Variants in CACNA2D3 observed in about 807,000 individuals in gnomAD.
CACNA2D3 encodes calcium voltage-gated channel auxiliary subunit alpha2delta 3, also known as voltage-dependent calcium channel subunit alpha-2/delta-3.
Under a neutral mutation model 160.6 loss-of-function variants are expected in CACNA2D3, and 60 were observed. The observed-to-expected ratio is 0.37, with a 90% CI of 0.30 to 0.46. CACNA2D3 has a LOEUF of 0.46. CACNA2D3 is among the 20% of genes least tolerant of loss of function. The pLI, the probability that CACNA2D3 is intolerant of heterozygous loss-of-function variation, is 1.00. For synonymous variants in CACNA2D3, 558 were observed against 492.9 expected (o/e 1.13, Z -1.75); for missense variants, 1,205 against 1,365.0 (o/e 0.88, Z 1.85).
chr3:54,376,641 C>T (rs969433233), intron 3 of CACNA2D3, among the ~76,000 whole-genome samples: 3 of 152,130 alleles, frequency 2.0e-5, no homozygotes, highest in African/African-American at 7.2e-5. Flanking sequence ...GTGAGAGTGC[C>T]GTTATCTTCA....
At position 54,889,061 on chromosome 3, in the gene CACNA2D3, T is replaced by C. The variant is rs530860301; in HGVS notation, c.2150+1009T>C. Among the ~76,000 whole-genome samples the C allele has an allele frequency of 2.6e-3, 399 of 152,304 alleles. 3 individuals carry two copies. Among genetic ancestry groups the C allele is most frequent in the African/African-American group, 9.1e-3 (380 of 41,568 alleles). On this transcript the variant is annotated intron_variant, in intron 24 of 37. Coordinates refer to ENST00000474759, the MANE Select transcript of CACNA2D3 (RefSeq NM_018398.3). ...TTTGGGCAGCATTCCAGGAACAGCA[T>C]GTACAAAGGCCTTGAGATGAGAAAG...
At chr3:54,747,509 A>G (rs1267541848) in intron 11 of CACNA2D3, among the ~76,000 whole-genome samples, 2 of 152,170 alleles carry the variant, frequency 1.3e-5, no homozygotes, top group Non-Finnish European at 2.9e-5. Flanking sequence ...CCTATGCTCT[A>G]TCCTGCAGCC....
At chr3:54,717,893 G>A (rs1701093693) in intron 11 of CACNA2D3, among the ~76,000 whole-genome samples, 1 of 151,622 alleles carries the variant, frequency 6.6e-6, no homozygotes, top group African/African-American at 2.4e-5. Flanking sequence ...GTGTGCGTGT[G>A]TGTGTTCTGC....
rs192808070 is a variant in CACNA2D3 at position 54,728,475 on chromosome 3, G to A, written c.1168-24124G>A. On this transcript the variant is annotated intron_variant, in intron 11 of 37. Coordinates refer to ENST00000474759, the MANE Select transcript of CACNA2D3 (RefSeq NM_018398.3). The stretch of plus-strand genomic sequence containing the variant: ...TGTTTCCTTCAATATTTTGATCATG[G>A]TTATTTTAGAGTCTGTGCCTGTCTG... Among the ~76,000 whole-genome samples, 109 of 151,954 alleles carry A rather than the reference G, an allele frequency of 7.2e-4. No individual in the cohort carries two copies. The South Asian group carries it at 0.016, about 22-fold the overall frequency.
At chr3:54,785,846 A>G (rs1292409285) in intron 13 of CACNA2D3, among the ~76,000 whole-genome samples, 2 of 152,004 alleles carry the variant, frequency 1.3e-5, no homozygotes, top group African/African-American at 2.4e-5. Context: ...CTCAGTATAC[A>G]TCTCATATAT....
chr3:54,242,887 C>T (rs2107410318), intron 2 of CACNA2D3, among the ~76,000 whole-genome samples: 1 of 152,250 alleles, frequency 6.6e-6, no homozygotes, highest in East Asian at 1.9e-4. Flanking sequence ...GAGGTGGTTG[C>T]TTTTGTTTTG....
chr3:54,755,458 T>A (rs1701952009), intron 12 of CACNA2D3, among the ~76,000 whole-genome samples: 1 of 152,210 alleles, frequency 6.6e-6, no homozygotes, highest in Non-Finnish European at 1.5e-5. Flanking sequence ...AGGCTCAATT[T>A]CCTCATCTAC....
At chr3:54,892,128 T>A (rs915500681) in intron 25 of CACNA2D3, among the ~76,000 whole-genome samples, 4 of 152,206 alleles carry the variant, frequency 2.6e-5, no homozygotes, top group African/African-American at 9.6e-5. Flanking sequence ...GACTGTGAAG[T>A]CTTTTCTGAG....
intron 3 of CACNA2D3, among the ~76,000 whole-genome samples, chr3:54,324,945 A>G (rs1704091151): frequency 6.6e-6 from 1 of 152,070 alleles, no homozygotes. Flanking sequence ...TGGAAGGCAA[A>G]TTTGACACCA....
At chr3:54,173,873 G>T (rs760540684) in intron 2 of CACNA2D3, among the ~76,000 whole-genome samples, 1 of 152,150 alleles carries the variant, frequency 6.6e-6, no homozygotes, top group African/African-American at 2.4e-5. Flanking sequence ...GAGTGTCAGC[G>T]TGGTTTGTAA....
intron 4 of CACNA2D3, among the ~76,000 whole-genome samples, chr3:54,419,190 C>T (rs1486595362): frequency 6.6e-6 from 1 of 152,248 alleles, no homozygotes; most frequent in Non-Finnish European, 1.5e-5. Context: ...CATGTCAAGC[C>T]TCTTTGGACC....
intron 29 of CACNA2D3, among the ~76,000 whole-genome samples, chr3:54,980,565 C>T (rs995371052): frequency 6.6e-6 from 1 of 152,150 alleles, no homozygotes; most frequent in East Asian, 1.9e-4. Context: ...ATACATGTTA[C>T]AGTGTTAACT....
At chr3:54,729,738 G>T (rs535735342) in intron 11 of CACNA2D3, among the ~76,000 whole-genome samples, 1 of 152,088 alleles carries the variant, frequency 6.6e-6, no homozygotes, top group Non-Finnish European at 1.5e-5. Context: ...GGTGGCTCAC[G>T]CCTATAATCC....
At chr3:54,441,780 A>C (rs1559482038) in intron 4 of CACNA2D3, among the ~76,000 whole-genome samples, 1 of 152,220 alleles carries the variant, frequency 6.6e-6, no homozygotes, top group Non-Finnish European at 1.5e-5. Flanking sequence ...GGTATCATTC[A>C]TTGAAAAGAT....
At chr3:54,459,743 G>C (rs1466948601) in intron 4 of CACNA2D3, among the ~76,000 whole-genome samples, 2 of 152,124 alleles carry the variant, frequency 1.3e-5, no homozygotes, top group African/African-American at 4.8e-5. Context: ...TCTGATGGTA[G>C]TTTCTTTTGC....
intron 25 of CACNA2D3, among the ~76,000 whole-genome samples, 199 bp downstream of exon 25, chr3:54,891,649 C>G (rs1403897222): frequency 6.6e-6 from 1 of 152,244 alleles, no homozygotes; most frequent in Admixed American, 6.5e-5. Context: ...CCTTCCACCA[C>G]CCTTTGTTCC....
intron 34 of CACNA2D3, among the ~76,000 whole-genome samples, chr3:55,010,736 C>A (rs2107146672): frequency 6.6e-6 from 1 of 152,306 alleles, no homozygotes; most frequent in Admixed American, 6.5e-5. Context: ...ATTCCCTTTC[C>A]TTTCCCTTAA....
At chr3:54,509,110 T>G (rs2106957163) in intron 5 of CACNA2D3, among the ~76,000 whole-genome samples, 1 of 152,294 alleles carries the variant, frequency 6.6e-6, no homozygotes, top group Admixed American at 6.5e-5. Flanking sequence ...TCCCCTTAAT[T>G]ACATGTGTAT....
chr3:54,343,234 C>G (rs2107527148), intron 3 of CACNA2D3, among the ~76,000 whole-genome samples: 1 of 152,262 alleles, frequency 6.6e-6, no homozygotes, highest in Middle Eastern at 3.4e-3. Flanking sequence ...TTCCTGGGCC[C>G]TACCCTGGAG....
Sources: allele counts gnomAD v4.1 joint callset (sites outside exome capture counted in the v4.1 genomes callset), GRCh38; gene constraint gnomAD v4.1.1; transcripts MANE v1.5; gene names NCBI Gene and HGNC (gene_info 2026-07-23, HGNC 2026-07-21).